The following GPCPD1 variants were observed in gnomAD, a reference collection of about 807,000 sequenced individuals.
The protein encoded by GPCPD1 is glycerophosphocholine phosphodiesterase 1.
Under a neutral mutation model 89.2 loss-of-function variants are expected in GPCPD1, and 29 were observed. The observed-to-expected ratio is 0.33, with a 90% confidence interval of 0.24 to 0.44. GPCPD1 has a LOEUF of 0.44. Ranked by LOEUF, GPCPD1 falls within the 20% of genes least tolerant of loss-of-function variation. The pLI is 1.00. For missense variants in GPCPD1, 594 were observed against 808.9 expected, an observed-to-expected ratio of 0.73 and a Z score of 3.22; for synonymous variants, 258 against 266.3, an observed-to-expected ratio of 0.97 and a Z score of 0.30.
chr20:5,560,923 AG>A (rs1986044777), intron 16 of GPCPD1, among the ~76,000 whole-genome samples: 1 of 152,240 alleles, frequency 6.6e-6, no homozygotes, highest in Non-Finnish European at 1.5e-5. Flanking sequence ...TATAAGTCCC[AG>A]GAAGACAAGG....
Position 5,561,454 on chromosome 20 carries a change from G to A in GPCPD1, c.1395+11C>T. ...GAGAGTATAGAATGTGCTGCATAGA[G>A]AATTACTTACCCTTTGCTGGCAGAT... On this transcript the variant is annotated intron_variant, in intron 16 of 19. Transcript: ENST00000379019. 6.7e-7 allele frequency: 1 copy of A among 1,483,190 alleles called. No homozygotes were observed. Among genetic ancestry groups the A allele is most frequent in the Admixed American group, 1.7e-5 (1 of 59,564 alleles). The allele number at this position is 1,483,190 out of a possible 1,614,324, so 91.9% of individuals were successfully genotyped here. A position where few individuals can be genotyped will look rare whatever the true frequency, so the allele number is the denominator to read the frequency against.
intron 2 of GPCPD1, among the ~76,000 whole-genome samples, chr20:5,602,888 CAG>C (rs1354783063): frequency 6.6e-6 from 1 of 150,536 alleles, no homozygotes. Flanking sequence ...GAGCCCAAAA[CAG>C]AAGAATCGCT....
chr20:5,555,422 C>T (rs1262629470), intron 19 of GPCPD1, among the ~76,000 whole-genome samples: 1 of 152,136 alleles, frequency 6.6e-6, no homozygotes, highest in Admixed American at 6.6e-5. Context: ...GCCTGCAGTC[C>T]CAGCTACTCG....
chr20:5,548,730 A>G, intron 19 of GPCPD1: 1 of 228,580 alleles, frequency 4.4e-6, no homozygotes, highest in South Asian at 1.0e-4. Flanking sequence ...AGATGGATAA[A>G]TAAGAACTGA....
chr20:5,599,981 G>A (rs1029390835), intron 2 of GPCPD1, among the ~76,000 whole-genome samples: 5 of 152,126 alleles, frequency 3.3e-5, no homozygotes, highest in Admixed American at 6.5e-5. Flanking sequence ...AACACACTTG[G>A]ATAAAAGTAC....
chr20:5,547,512 C>G lies in GPCPD1; in HGVS notation c.*149G>C. 1 of 442,456 alleles carries G rather than the reference C, an allele frequency of 2.3e-6. No individual in the cohort carries two copies. The highest frequency in any genetic ancestry group is 4.1e-6 in the Non-Finnish European group (1 of 244,532). 27.4% of individuals were successfully genotyped at this position (442,456 alleles called of 1,614,324 possible). On this transcript the variant is annotated 3_prime_UTR_variant, in exon 20 of 20. Coordinates refer to ENST00000379019, the MANE Select transcript of GPCPD1 (RefSeq NM_019593.5). ...CCAAGTAATTTAAATAGCATACTTG[C>G]AAGAACTGTAGTGAAAGAGTTAAAT...
chr20:5,576,536 T>C (rs1978289428), intron 8 of GPCPD1, among the ~76,000 whole-genome samples: 1 of 152,188 alleles, frequency 6.6e-6, no homozygotes, highest in Non-Finnish European at 1.5e-5. Context: ...TTTATATTCA[T>C]GTGACTTGAT....
intron 5 of GPCPD1, chr20:5,585,047 T>A (rs1040758267): frequency 6.6e-6 from 1 of 152,212 alleles, no homozygotes; most frequent in Admixed American, 6.5e-5. Flanking sequence ...ACACAGCTTT[T>A]AAGTTCAAAA....
chr20:5,564,175 T>C (rs889116353), intron 15 of GPCPD1, among the ~76,000 whole-genome samples: 3 of 152,104 alleles, frequency 2.0e-5, no homozygotes, highest in African/African-American at 4.8e-5. Flanking sequence ...TATCTAGTTT[T>C]TAAGTCTTCA....
At chr20:5,577,766 GC>G (rs1177298298) in intron 8 of GPCPD1, among the ~76,000 whole-genome samples, 1 of 152,056 alleles carries the variant, frequency 6.6e-6, no homozygotes, top group Non-Finnish European at 1.5e-5. Flanking sequence ...CCACTACCGA[GC>G]CAGGCCCACA....
At chr20:5,608,784 C>CTTT (rs1420962821) in intron 1 of GPCPD1, among the ~76,000 whole-genome samples, 1 of 152,214 alleles carries the variant, frequency 6.6e-6, no homozygotes, top group Non-Finnish European at 1.5e-5. Context: ...CTGAAACAGG[C>CTTT]TTTTGCTTTT....
At chr20:5,587,438 G>A (rs572141019) in intron 4 of GPCPD1, among the ~76,000 whole-genome samples, 39 of 151,580 alleles carry the variant, frequency 2.6e-4, no homozygotes, top group South Asian at 1.7e-3. Context: ...GCACAATCTC[G>A]GCTCACTGCA....
rs188049148 is a variant in GPCPD1, at chr20:5,557,888, G to T, written c.1829+57C>A. The stretch of plus-strand genomic sequence containing the variant: ...TAAGTTTAATTTTATTTATAATTTC[G>T]TAAGATGAAATCTATACTTCTAAAT... On this transcript the variant is annotated intron_variant, in intron 19 of 19. Transcript: ENST00000379019. 4.4e-6 allele frequency: 4 copies of T among 905,834 alleles called. No homozygotes were observed. In the East Asian group the frequency reaches 8.2e-5, roughly 18 times the overall value. 56.1% of individuals were successfully genotyped at this position (905,834 alleles called of 1,614,324 possible).
intron 15 of GPCPD1, among the ~76,000 whole-genome samples, chr20:5,562,029 A>T (rs11699236): frequency 0.14 from 21,530 of 152,222 alleles, 1,710 homozygotes; most frequent in South Asian, 0.19. Context: ...AAATGAAAAC[A>T]TTATGCTACA....
chr20:5,608,586 A>T (rs950719068), intron 1 of GPCPD1, among the ~76,000 whole-genome samples: 1 of 150,740 alleles, frequency 6.6e-6, no homozygotes, highest in Non-Finnish European at 1.5e-5. Flanking sequence ...CAAAAAATGT[A>T]TGCACCCACC....
intron 10 of GPCPD1, 147 bp from the exon 11 acceptor site, chr20:5,574,116 G>A (rs1978284907): frequency 1.6e-6 from 1 of 611,580 alleles, no homozygotes; most frequent in Admixed American, 3.0e-5. Context: ...ATATGACTAT[G>A]GCTGTGACTA....
intron 8 of GPCPD1, among the ~76,000 whole-genome samples, chr20:5,576,554 CTATGATTAAA>C (rs1419026205): frequency 1.3e-5 from 2 of 151,972 alleles, no homozygotes; most frequent in Non-Finnish European, 2.9e-5. Flanking sequence ...GATGGCTTCT[CTATGATTAAA>C]TACATTTTCT....
intron 5 of GPCPD1, chr20:5,585,007 GT>G (rs1424192135): frequency 6.6e-6 from 1 of 152,154 alleles, no homozygotes; most frequent in Non-Finnish European, 1.5e-5. Flanking sequence ...GGATGTGACA[GT>G]TCCTAGTAAA....
intron 17 of GPCPD1, 104 bp from the exon 18 acceptor site, chr20:5,558,923 C>T: frequency 3.6e-6 from 3 of 839,856 alleles, no homozygotes; most frequent in South Asian, 1.9e-5. Flanking sequence ...ACAAACGAGG[C>T]CGGGCATGGT....
Sources: gnomAD v4.1 joint callset for allele counts (sites outside exome capture counted in the v4.1 genomes callset) on GRCh38, gnomAD v4.1.1 for gene constraint, MANE v1.5 for transcripts, NCBI Gene and HGNC (gene_info 2026-07-23, HGNC 2026-07-21) for gene names.